The following CHIC1 variants were observed in gnomAD, a reference collection of about 807,000 sequenced individuals.
CHIC1 encodes cysteine rich hydrophobic domain 1.
CHIC1 carries 7 observed loss-of-function variants against 18.5 expected under a neutral mutation model. The observed-to-expected ratio is 0.38, with a 90% CI of 0.22 to 0.71. The LOEUF is 0.71. Among genes scored for constraint, CHIC1 ranks in the 30% least tolerant of loss-of-function variants. The probability of loss-of-function intolerance (pLI) is 0.49; values close to 1 mark genes in which losing one functional copy is unlikely to be tolerated. For synonymous variants in CHIC1, 77 were observed against 73.5 expected (o/e 1.05, Z -0.25); for missense variants, 159 against 176.9 (o/e 0.90, Z 0.57).
At chrX:73,679,469 C>T in intron 4 of CHIC1, 87 bp downstream of exon 4, 1 of 672,527 alleles carries the variant, frequency 1.5e-6, no homozygotes, top group Non-Finnish European at 2.3e-6. Flanking sequence ...ATTTTTAGGC[C>T]ACAAAGGAAT....
chrX:73,600,744 T>C (rs1462593458), intron 3 of CHIC1, among the ~76,000 whole-genome samples: 15 of 107,385 alleles, frequency 1.4e-4, no homozygotes, highest in Non-Finnish European at 1.9e-5. Flanking sequence ...GCCAGTATTT[T>C]ATTGAGGATT....
At chrX:73,598,600 C>G (rs191378093) in intron 3 of CHIC1, among the ~76,000 whole-genome samples, 2 of 105,944 alleles carry the variant, frequency 1.9e-5, no homozygotes, top group African/African-American at 3.4e-5. Flanking sequence ...TTTGTTCTTG[C>G]GATAGTTTAC....
At chrX:73,678,995 C>T in intron 3 of CHIC1, among the ~76,000 whole-genome samples, 1 of 112,030 alleles carries the variant, frequency 8.9e-6, no homozygotes. Context: ...AAATGGACTA[C>T]TAAAATCTCA....
At chrX:73,565,465 G>A (rs2057440642) in intron 1 of CHIC1, among the ~76,000 whole-genome samples, 1 of 111,778 alleles carries the variant, frequency 8.9e-6, no homozygotes, top group South Asian at 3.8e-4. Flanking sequence ...CTAATTAGGA[G>A]CATGCGGGTA....
In CHIC1 at chrX:73,571,511, GT is replaced by G. The variant is rs1262592159; in HGVS notation, c.297-5893del. Among the ~76,000 whole-genome samples the G allele has an allele frequency of 2.7e-5, 3 of 111,172 alleles. No homozygotes were observed. In the East Asian group the frequency reaches 8.4e-4, roughly 31 times the overall value. On this transcript the variant is annotated intron_variant, in intron 1 of 5. Transcript: ENST00000373502. ...CTAAGTTAGCAAATAATTACAATAG[GT>G]TTAATACTAGAATATCAATTTCTCA...
intron 3 of CHIC1, among the ~76,000 whole-genome samples, chrX:73,589,768 T>C (rs1226504786): frequency 9.0e-6 from 1 of 111,504 alleles, no homozygotes; most frequent in African/African-American, 3.2e-5. Context: ...TTAGAATTTA[T>C]TGAAAAGCTG....
rs2057656502 is a variant in CHIC1, at chrX:73,602,512, T to C, written c.507+17940T>C. Reference sequence around the variant, plus strand: ...TTTCTTTTGCTGTGCAGAAGCTCTTTAGTTTAATTAGATCTCATTTGTCTA... The same window carrying C: ...TTTCTTTTGCTGTGCAGAAGCTCTTCAGTTTAATTAGATCTCATTTGTCTA... On this transcript the variant is annotated intron_variant, in intron 3 of 5. Transcript: ENST00000373502. Among the ~76,000 whole-genome samples the C allele has an allele frequency of 1.8e-5, 2 of 109,098 alleles. 1 individual carries two copies. The highest frequency in any genetic ancestry group is 7.1e-5 in the African/African-American group (2 of 28,170). 94.7% of individuals were successfully genotyped at this position (109,098 alleles called of 115,157 possible).
At chrX:73,635,620 T>G (rs2057828193) in intron 3 of CHIC1, among the ~76,000 whole-genome samples, 1 of 111,917 alleles carries the variant, frequency 8.9e-6, no homozygotes, top group Admixed American at 9.4e-5. Flanking sequence ...ATTTAGCCAT[T>G]TCATTTAGGC....
chrX:73,658,729 G>A (rs1020233430), intron 3 of CHIC1, among the ~76,000 whole-genome samples: 1 of 111,351 alleles, frequency 9.0e-6, no homozygotes, highest in Non-Finnish European at 1.9e-5. Flanking sequence ...ATGTTAGGTT[G>A]CTAACTTGAG....
At chrX:73,633,010 G>A (rs1051556066) in intron 3 of CHIC1, among the ~76,000 whole-genome samples, 49 of 109,898 alleles carry the variant, frequency 4.5e-4, no homozygotes, top group Non-Finnish European at 7.4e-4. Context: ...CCCGTGATCC[G>A]CCAGCCTCAG....
intron 1 of CHIC1, among the ~76,000 whole-genome samples, chrX:73,573,718 G>T (rs918025562): frequency 1.8e-5 from 2 of 110,359 alleles, no homozygotes; most frequent in Non-Finnish European, 3.8e-5. Context: ...TCTTGATTTG[G>T]CTCTCAGCTT....
intron 3 of CHIC1, among the ~76,000 whole-genome samples, chrX:73,648,024 T>C (rs1273813415): frequency 9.0e-6 from 1 of 111,306 alleles, no homozygotes; most frequent in African/African-American, 3.3e-5. Flanking sequence ...AGCACCCAAC[T>C]TTGCTGTTCT....
At position 73,580,077 on chromosome X, in the gene CHIC1, A is replaced by G. The variant is rs759398937; in HGVS notation, c.351+2616A>G. ...ATGTCAGTGTATAAAATTCCCAGGCATACAAATTATCCATTTTCAAAATTG... is the reference window on the plus strand; with the variant it reads ...ATGTCAGTGTATAAAATTCCCAGGCGTACAAATTATCCATTTTCAAAATTG... On this transcript the variant is annotated intron_variant, in intron 2 of 5. Transcript: ENST00000373502. Among the ~76,000 whole-genome samples, 162 of 110,703 alleles carry G rather than the reference A, an allele frequency of 1.5e-3. 2 individuals carry two copies. Among genetic ancestry groups the G allele is most frequent in the African/African-American group, 5.1e-3 (158 of 30,716 alleles).
intron 3 of CHIC1, among the ~76,000 whole-genome samples, chrX:73,622,293 C>G (rs1470903805): frequency 9.0e-6 from 1 of 111,622 alleles, no homozygotes; most frequent in Non-Finnish European, 1.9e-5. Flanking sequence ...GTTTGTACCT[C>G]TTGTAGAATT....
chrX:73,666,276 G>A (rs1366952534), intron 3 of CHIC1, among the ~76,000 whole-genome samples: 1 of 111,565 alleles, frequency 9.0e-6, no homozygotes, highest in Non-Finnish European at 1.9e-5. Context: ...TTGTGTGATT[G>A]TATTGGGGAG....
At chrX:73,574,760 A>G (rs1041001874) in intron 1 of CHIC1, among the ~76,000 whole-genome samples, 8 of 110,677 alleles carry the variant, frequency 7.2e-5, no homozygotes, top group Non-Finnish European at 1.5e-4. Flanking sequence ...TATGTGGGAT[A>G]GGTTGTAATG....
chrX:73,596,506 T>A (rs1464719458), intron 3 of CHIC1, among the ~76,000 whole-genome samples: 1 of 111,784 alleles, frequency 8.9e-6, no homozygotes, highest in Non-Finnish European at 1.9e-5. Context: ...TTGACTTTCT[T>A]CACAGAATTA....
intron 1 of CHIC1, among the ~76,000 whole-genome samples, chrX:73,566,704 C>T (rs1166271466): frequency 2.7e-5 from 3 of 111,646 alleles, no homozygotes; most frequent in Non-Finnish European, 3.8e-5. Context: ...CTACCAAAAC[C>T]ACAGAGGAGC....
chrX:73,593,848 C>G (rs1032880698), intron 3 of CHIC1, among the ~76,000 whole-genome samples: 2 of 111,309 alleles, frequency 1.8e-5, no homozygotes, highest in African/African-American at 6.5e-5. Flanking sequence ...CTTCAACTTT[C>G]TCTTGAATCT....
Sources: gnomAD v4.1 joint callset for allele counts (sites outside exome capture counted in the v4.1 genomes callset) on GRCh38, gnomAD v4.1.1 for gene constraint, MANE v1.5 for transcripts, NCBI Gene and HGNC (gene_info 2026-07-23, HGNC 2026-07-21) for gene names.